Variants in ZC3H7B observed in about 807,000 individuals in gnomAD.
ZC3H7B encodes zinc finger CCCH domain-containing protein 7B.
In ZC3H7B, 35 loss-of-function variants were observed where a neutral mutation model predicts 116.0. The observed-to-expected ratio is 0.30, with a 90% CI of 0.23 to 0.40. The LOEUF is 0.40. Ranked by LOEUF, ZC3H7B falls within the 10% of genes least tolerant of loss-of-function variation. ZC3H7B has a pLI of 1.00. For missense variants in ZC3H7B, 1,011 were observed against 1,321.5 expected (o/e 0.77, Z 3.64); for synonymous variants, 502 against 545.6 (o/e 0.92, Z 1.11).
intron 1 of ZC3H7B, among the ~76,000 whole-genome samples, chr22:41,304,826 G>A (rs936249219): frequency 6.6e-6 from 1 of 152,200 alleles, no homozygotes; most frequent in Non-Finnish European, 1.5e-5. Flanking sequence ...TGAGGAACAC[G>A]GGATTTGTGT....
At chr22:41,309,019 T>TC (rs1209151421) in intron 1 of ZC3H7B, among the ~76,000 whole-genome samples, 2 of 143,914 alleles carry the variant, frequency 1.4e-5, no homozygotes, top group Non-Finnish European at 1.5e-5. Context: ...TTTTTTTTTT[T>TC]TTTTTTTTTT....
intron 17 of ZC3H7B, among the ~76,000 whole-genome samples, chr22:41,354,837 G>T (rs2036693172): frequency 6.6e-6 from 1 of 152,166 alleles, no homozygotes; most frequent in Non-Finnish European, 1.5e-5. Context: ...GCAAGGCCTT[G>T]CCCTGGAGGG....
chr22:41,346,359 T>A lies in ZC3H7B; in HGVS notation c.1665+151T>A. 1 of 805,450 alleles carries A rather than the reference T, an allele frequency of 1.2e-6. No individual in the cohort carries two copies. Among genetic ancestry groups the A allele is most frequent in the Non-Finnish European group, 2.0e-6 (1 of 510,488 alleles). The allele number at this position is 805,450 out of a possible 1,614,324, so 49.9% of individuals were successfully genotyped here. A position where few individuals can be genotyped will look rare whatever the true frequency, so the allele number is the denominator to read the frequency against. On this transcript the variant is annotated intron_variant, in intron 14 of 22. Coordinates refer to ENST00000352645, the MANE Select transcript of ZC3H7B (RefSeq NM_017590.6). This position sits in a 1 kb window ranked among gnomAD's most constrained non-coding sequence, Gnocchi z 5.3. ...GAACCAGTAGGTCCTGGAGGGTCAG[T>A]AAGTCTGGGCCCTAGGATCCTATCT... is the stretch of plus-strand genomic sequence containing the variant.
At position 41,338,976 on chromosome 22, in the gene ZC3H7B, C is replaced by CGGCT. The variant is rs756491639; in HGVS notation, c.626-24_626-21dup. On this transcript the variant is annotated intron_variant, in intron 8 of 22. Transcript: ENST00000352645. The surrounding 1 kb of genome is among the most constrained non-coding windows in gnomAD (Gnocchi z 4.5). The stretch of plus-strand genomic sequence containing the variant: ...ACCCTCACCAAGCAGTGCTCCCCTT[C>CGGCT]GGCTCTTGCCCACCCCATCCGCAGA... The CGGCT allele has an allele frequency of 6.6e-7, 1 of 1,519,984 alleles. No individual in the cohort carries two copies. Among genetic ancestry groups the CGGCT allele is most frequent in the South Asian group, 1.3e-5 (1 of 76,876 alleles). 94.2% of individuals were successfully genotyped at this position (1,519,984 alleles called of 1,614,324 possible).
Position 41,348,984 on chromosome 22 carries a change from A to T in ZC3H7B, c.1767-136A>T, listed in dbSNP as rs1382214954. The T allele has an allele frequency of 8.2e-6, 8 of 975,630 alleles. No individual in the cohort carries two copies. In the East Asian group the frequency reaches 2.1e-4, roughly 26 times the overall value. 60.4% of individuals were successfully genotyped at this position (975,630 alleles called of 1,614,324 possible). A position where few individuals can be genotyped will look rare whatever the true frequency, so the allele number is the denominator to read the frequency against. Reference sequence around the variant, plus strand: ...AGCCCTGTTTCTGCCCTCCTGTGTCATCCATGGCCTGGATTTGGTACATAG... The same window carrying T: ...AGCCCTGTTTCTGCCCTCCTGTGTCTTCCATGGCCTGGATTTGGTACATAG... On this transcript the variant is annotated intron_variant, in intron 15 of 22. Transcript: ENST00000352645.
At chr22:41,355,658 G>A in intron 18 of ZC3H7B, 56 bp downstream of exon 18, 1 of 1,612,422 alleles carries the variant, frequency 6.2e-7, no homozygotes, top group South Asian at 1.1e-5. Flanking sequence ...TACCACCACA[G>A]GTGTGGAGGC....
chr22:41,341,812 C>G (rs1020733198), intron 11 of ZC3H7B, among the ~76,000 whole-genome samples: 2 of 151,954 alleles, frequency 1.3e-5, no homozygotes, highest in African/African-American at 4.8e-5. Context: ...GCCTATAATC[C>G]CAGCACTTTG....
intron 1 of ZC3H7B, among the ~76,000 whole-genome samples, chr22:41,318,189 C>T (rs2036208146): frequency 6.6e-6 from 1 of 151,974 alleles, no homozygotes; most frequent in Non-Finnish European, 1.5e-5. Context: ...CATCCCATCA[C>T]TTTAGGAGGC....
intron 6 of ZC3H7B, 83 bp from the exon 7 acceptor site, chr22:41,332,088 C>T: frequency 6.6e-7 from 1 of 1,504,140 alleles, no homozygotes; most frequent in Non-Finnish European, 9.2e-7. Context: ...TGTGTCAGGG[C>T]CTCTTTGCTG....
chr22:41,305,085 G>A (rs970297796), intron 1 of ZC3H7B, among the ~76,000 whole-genome samples: 3 of 152,106 alleles, frequency 2.0e-5, no homozygotes, highest in African/African-American at 7.2e-5. Context: ...GGTGGCTCAC[G>A]CCTGTAATCC....
chr22:41,359,521 C>T lies in ZC3H7B; in HGVS notation c.*2092C>T, dbSNP rs1476844068. 3.3e-5 allele frequency: 5 copies of T among 152,228 alleles called. No homozygotes were observed. The highest frequency in any genetic ancestry group is 7.3e-5 in the Non-Finnish European group (5 of 68,078). 9.4% of individuals were successfully genotyped at this position (152,228 alleles called of 1,614,324 possible). On this transcript the variant is annotated 3_prime_UTR_variant, in exon 23 of 23. Coordinates refer to ENST00000352645, the MANE Select transcript of ZC3H7B (RefSeq NM_017590.6). ...CAGGAGCCACCCTCCCCAGGCCCAA[C>T]TCTGCTAGCTTCCCAGACCACCCCC...
intron 11 of ZC3H7B, among the ~76,000 whole-genome samples, chr22:41,341,431 C>T (rs1240347075): frequency 5.3e-5 from 8 of 152,302 alleles, no homozygotes; most frequent in South Asian, 2.1e-4. Flanking sequence ...TCTCCAGACT[C>T]AGTCCGGTCC....
chr22:41,351,644 A>G lies in ZC3H7B; in HGVS notation c.2032A>G (p.Met678Val). 1 of 1,613,678 alleles carries G rather than the reference A, an allele frequency of 6.2e-7. No homozygotes were observed. Residue 678 changes from methionine (M) to valine (V), a missense_variant and splice_region_variant, in exon 17 of 23, where the codon ATG becomes GTG. Physicochemically the swap from Met to Val is conservative, Grantham distance 21. Around this residue, in one of 5 missense-constraint regions of ZC3H7B, gnomAD observed 406 missense variants for 590.2 expected, o/e 0.69. Coordinates refer to ENST00000352645, the MANE Select transcript of ZC3H7B (RefSeq NM_017590.6). This position sits in a 1 kb window ranked among gnomAD's most constrained non-coding sequence, Gnocchi z 5.1. Reference protein sequence around the residue: ...EAHAGKASSSMGAPRTHGPST... With the variant: ...EAHAGKASSSVGAPRTHGPST... ...GCATGCGGGGAAGGCCAGCAGCAGC[A>G]TGGTAAGGCCTTCTGATACTATGCC...
In ZC3H7B at chr22:41,343,429, G is replaced by A. The variant is rs769580273; in HGVS notation, c.1312G>A (p.Asp438Asn). ...CCTGCCCATAGGCCCCCGGGCTGGC[G>A]ACTACACCTACCGTGAGGGCCTTGA... ...CYPKTGPRAG[D>N]YTYREGLEHK... The change falls in exon 13 of 23, where the codon GAC becomes AAC. Residue 438 changes from aspartate (D) to asparagine (N), a missense_variant. Coordinates refer to ENST00000352645, the MANE Select transcript of ZC3H7B (RefSeq NM_017590.6). 9.9e-6 allele frequency: 16 copies of A among 1,611,898 alleles called. 1 individual carries two copies. The highest frequency in any genetic ancestry group is 3.3e-4 in the Middle Eastern group (2 of 6,078).
At position 41,349,369 on chromosome 22, in the gene ZC3H7B, G is replaced by T; in HGVS notation, c.1948+68G>T. ...GAGGGGTAGGCGGCGCAGGTGAAGG[G>T]AGCGCAGGACTGACTGGGGTGACAG... is the stretch of plus-strand genomic sequence containing the variant. On this transcript the variant is annotated intron_variant, in intron 16 of 22. Coordinates refer to ENST00000352645, the MANE Select transcript of ZC3H7B (RefSeq NM_017590.6). The surrounding 1 kb of genome is among the most constrained non-coding windows in gnomAD (Gnocchi z 4.9). The T allele has an allele frequency of 1.3e-6, 2 of 1,582,154 alleles. No homozygotes were observed. Among genetic ancestry groups the T allele is most frequent in the South Asian group, 2.3e-5 (2 of 86,730 alleles).
intron 13 of ZC3H7B, among the ~76,000 whole-genome samples, chr22:41,345,069 C>T (rs1023081024): frequency 1.3e-5 from 2 of 152,152 alleles, no homozygotes; most frequent in Admixed American, 6.5e-5. Context: ...CCTGCCTCAG[C>T]CTCCCAAAGT....
At chr22:41,317,430 G>A (rs1465140853) in intron 1 of ZC3H7B, among the ~76,000 whole-genome samples, 7 of 152,046 alleles carry the variant, frequency 4.6e-5, no homozygotes, top group African/African-American at 1.7e-4. Flanking sequence ...CCAAATATAG[G>A]GTTTAGGGCT....
chr22:41,317,632 A>T (rs1044567189), intron 1 of ZC3H7B, among the ~76,000 whole-genome samples: 1 of 152,022 alleles, frequency 6.6e-6, no homozygotes, highest in African/African-American at 2.4e-5. Context: ...TCTAAAAAAA[A>T]AATAAAATAC....
intron 2 of ZC3H7B, among the ~76,000 whole-genome samples, chr22:41,321,829 CTTTTTTTTTTTTTT>C (rs199611879): frequency 1.2e-4 from 11 of 91,006 alleles, no homozygotes; most frequent in Admixed American, 4.0e-4. Context: ...AACTCACATT[CTTTTTTTTTTTTTT>C]TTTTTTTTTT....
Sources: gnomAD v4.1 joint callset for allele counts (sites outside exome capture counted in the v4.1 genomes callset) on GRCh38, gnomAD v4.1.1 for gene constraint, gnomAD v4.1.1 regional missense constraint, Gnocchi (gnomAD v3.1) non-coding constraint, MANE v1.5 for transcripts, NCBI Gene and HGNC (gene_info 2026-07-23, HGNC 2026-07-21) for gene names.